The following MAST2 variants were observed in gnomAD, a reference collection of about 807,000 sequenced individuals.
MAST2 encodes microtubule-associated serine/threonine-protein kinase 2.
Under a neutral mutation model 147.4 loss-of-function variants are expected in MAST2, and 70 were observed. That is an observed-to-expected ratio of 0.47 (90% CI 0.39 to 0.58). The LOEUF is 0.58. MAST2 is among the 20% of genes least tolerant of loss of function. MAST2 has a pLI of 0.00. For synonymous variants in MAST2, 869 were observed against 896.8 expected (o/e 0.97, Z 0.55); for missense variants, 2,080 against 2,302.3 (o/e 0.90, Z 1.98).
chr1:45,946,757 C>G (rs897121480), intron 4 of MAST2, among the ~76,000 whole-genome samples: 3 of 152,090 alleles, frequency 2.0e-5, no homozygotes, highest in Admixed American at 6.6e-5. Flanking sequence ...AGATAGCGCT[C>G]TCTTTATTGT....
intron 5 of MAST2, among the ~76,000 whole-genome samples, chr1:45,966,989 A>G (rs1448018873): frequency 6.7e-6 from 1 of 149,758 alleles, no homozygotes; most frequent in Non-Finnish European, 1.5e-5. Context: ...ATTCTAATCT[A>G]TGCGTAGTTG....
In MAST2 at chr1:45,868,795, C is replaced by G. The variant is rs568246979; in HGVS notation, c.469-13569C>G. On this transcript the variant is annotated intron_variant, in intron 3 of 28. Coordinates refer to ENST00000361297, the MANE Select transcript of MAST2 (RefSeq NM_015112.3). ...AAGAACCAGGTAGATTTCAAACATT[C>G]AATTTCTTCTTGAAATTTCATTTTA... Among the ~76,000 whole-genome samples, 40 of 152,218 alleles carry G rather than the reference C, an allele frequency of 2.6e-4. No individual in the cohort carries two copies. In the South Asian group the frequency reaches 7.9e-3, roughly 30 times the overall value.
intron 7 of MAST2, among the ~76,000 whole-genome samples, chr1:46,004,614 A>C (rs1001456296): frequency 6.6e-6 from 1 of 152,226 alleles, no homozygotes; most frequent in African/African-American, 2.4e-5. Flanking sequence ...GGGCCAAGAA[A>C]TAACCCTGTG....
In MAST2 at chr1:46,010,883, A is replaced by T. The variant is rs1645686025; in HGVS notation, c.1132A>T (p.Ile378Phe). The change falls in exon 10 of 29, where the codon ATT becomes TTT. Residue 378 changes from isoleucine to phenylalanine, a missense_variant. Around this residue, in one of 4 missense-constraint regions of MAST2, gnomAD observed 569 missense variants for 642.5 expected, o/e 0.89. Transcript: ENST00000361297. ...CCTGGATAAATCTCGGAGTGGCCTC[A>T]TTACATCACAATACTTCTACGAACT... Reference protein sequence around the residue: ...DCLDKSRSGLITSQYFYELQD... With the variant: ...DCLDKSRSGLFTSQYFYELQD... 6.2e-7 allele frequency: 1 copy of T among 1,614,106 alleles called. No individual in the cohort carries two copies. The highest frequency in any genetic ancestry group is 1.3e-5 in the African/African-American group (1 of 74,932).
intron 3 of MAST2, among the ~76,000 whole-genome samples, chr1:45,858,692 C>T (rs1013039255): frequency 7.7e-4 from 114 of 148,348 alleles, no homozygotes; most frequent in Admixed American, 7.6e-3. Flanking sequence ...CTTGCCCATG[C>T]CTATGTCCTG....
intron 3 of MAST2, among the ~76,000 whole-genome samples, chr1:45,835,629 T>C (rs1055732195): frequency 2.0e-5 from 3 of 152,160 alleles, no homozygotes; most frequent in African/African-American, 4.8e-5. Context: ...AAATTAACCA[T>C]TTTAAAGTGT....
At chr1:45,902,267 T>C (rs573796168) in intron 4 of MAST2, among the ~76,000 whole-genome samples, 215 of 152,338 alleles carry the variant, frequency 1.4e-3, no homozygotes, top group Non-Finnish European at 2.6e-3. Flanking sequence ...TTTATTCTGT[T>C]TATGTGGTGA....
At chr1:45,846,473 C>T (rs766628581) in intron 3 of MAST2, among the ~76,000 whole-genome samples, 10 of 152,120 alleles carry the variant, frequency 6.6e-5, no homozygotes, top group Non-Finnish European at 1.0e-4. Context: ...TTTTGCAGAT[C>T]ACGTCTATCT....
rs1382173278 is a variant in MAST2, at chr1:46,034,139, CCTTT to C, written c.3745_3748del (p.Ser1249ProfsTer33). On this transcript the variant is annotated frameshift_variant, in exon 28 of 29. Transcript: ENST00000361297. LOFTEE classifies it high-confidence loss of function. ...CATCCCTGCTCCACACCAGCCGCAG[CCTTT>C]CTTCCCTTAACCGCTCCTTGTCATC... is the stretch of plus-strand genomic sequence containing the variant. 1.9e-6 allele frequency: 3 copies of C among 1,614,202 alleles called. No homozygotes were observed. The South Asian group carries it at 3.3e-5, about 18-fold the overall frequency.
At chr1:45,906,589 T>C (rs938324952) in intron 4 of MAST2, among the ~76,000 whole-genome samples, 1 of 148,596 alleles carries the variant, frequency 6.7e-6, no homozygotes, top group African/African-American at 2.4e-5. Flanking sequence ...TATTATATAA[T>C]GTTGTATATA....
At chr1:45,991,857 T>G (rs1224702386) in intron 5 of MAST2, among the ~76,000 whole-genome samples, 3 of 152,200 alleles carry the variant, frequency 2.0e-5, no homozygotes, top group Admixed American at 6.5e-5. Flanking sequence ...TACCTTTTAT[T>G]TCCTTTTCTT....
At chr1:46,025,850 TC>T in intron 16 of MAST2, 35 bp downstream of exon 16, 1 of 1,613,632 alleles carries the variant, frequency 6.2e-7, no homozygotes, top group Non-Finnish European at 8.5e-7. Context: ...GTCCAGGGTC[TC>T]CCTCTTGGGT....
chr1:46,017,160 A>T (rs1037082359), intron 10 of MAST2, among the ~76,000 whole-genome samples: 6 of 152,348 alleles, frequency 3.9e-5, no homozygotes, highest in Admixed American at 3.3e-4. Flanking sequence ...CGTACACCTT[A>T]TATAAAAATT....
At chr1:45,840,894 A>G (rs1179466309) in intron 3 of MAST2, among the ~76,000 whole-genome samples, 3 of 152,170 alleles carry the variant, frequency 2.0e-5, no homozygotes, top group Non-Finnish European at 2.9e-5. Context: ...TATAGCCTAC[A>G]TGCATTGGGG....
At chr1:46,006,508 C>A in intron 8 of MAST2, 113 bp downstream of exon 8, 3 of 974,646 alleles carry the variant, frequency 3.1e-6, no homozygotes, top group Non-Finnish European at 4.3e-6. Context: ...TATTTTTAGG[C>A]TTTATAGGCC....
intron 11 of MAST2, among the ~76,000 whole-genome samples, chr1:46,021,129 A>G (rs1372334140): frequency 6.6e-6 from 1 of 152,226 alleles, no homozygotes; most frequent in Non-Finnish European, 1.5e-5. Flanking sequence ...CTAAGGAAGG[A>G]TAAGAAGTTA....
chr1:45,941,956 G>A (rs1400155187), intron 4 of MAST2, among the ~76,000 whole-genome samples: 1 of 152,220 alleles, frequency 6.6e-6, no homozygotes, highest in Non-Finnish European at 1.5e-5. Flanking sequence ...TAAGGTGCGA[G>A]AAGTTTTACC....
At chr1:45,962,166 A>G (rs143955886) in intron 5 of MAST2, among the ~76,000 whole-genome samples, 51,241 of 151,508 alleles carry the variant, frequency 0.34, 8,962 homozygotes, top group African/African-American at 0.43. Flanking sequence ...AATCCAGTCT[A>G]TCATTGTTGG....
At chr1:45,892,847 C>G (rs893062134) in intron 4 of MAST2, among the ~76,000 whole-genome samples, 5 of 152,046 alleles carry the variant, frequency 3.3e-5, no homozygotes, top group African/African-American at 1.2e-4. Flanking sequence ...AGTAATAAGG[C>G]CAGTCCAAAA....
Sources: gnomAD v4.1 joint callset for allele counts (sites outside exome capture counted in the v4.1 genomes callset) on GRCh38, gnomAD v4.1.1 for gene constraint, gnomAD v4.1.1 regional missense constraint, MANE v1.5 for transcripts, NCBI Gene and HGNC (gene_info 2026-07-23, HGNC 2026-07-21) for gene names.